The following EXOC4 variants were observed in gnomAD, a reference collection of about 807,000 sequenced individuals.
EXOC4 encodes exocyst complex component 4.
EXOC4 carries 71 observed loss-of-function variants against 107.2 expected under a neutral mutation model. That is an observed-to-expected ratio of 0.66 (90% CI 0.55 to 0.81). The LOEUF (loss-of-function observed/expected upper bound fraction) is 0.81, where lower values mean the gene tolerates loss of function less well. Ranked by LOEUF, EXOC4 falls within the 30% of genes least tolerant of loss-of-function variation. The pLI is 0.00. For missense variants in EXOC4, 1,108 were observed against 1,189.6 expected (o/e 0.93, Z 1.01); for synonymous variants, 456 against 441.2 (o/e 1.03, Z -0.42).
intron 4 of EXOC4, 144 bp from the exon 5 acceptor site, chr7:133,317,140 C>T: frequency 1.7e-6 from 1 of 594,442 alleles, no homozygotes; most frequent in South Asian, 2.2e-5. Flanking sequence ...CTGGGGAGAT[C>T]CAGTATAGTA....
chr7:133,455,149 A>AT (rs781135754), intron 7 of EXOC4, among the ~76,000 whole-genome samples: 9 of 152,134 alleles, frequency 5.9e-5, no homozygotes, highest in Non-Finnish European at 1.3e-4. Flanking sequence ...ATTAACAACA[A>AT]TAACTAATAA....
At chr7:133,928,170 T>C (rs2116685200) in intron 13 of EXOC4, among the ~76,000 whole-genome samples, 1 of 152,324 alleles carries the variant, frequency 6.6e-6, no homozygotes, top group African/African-American at 2.4e-5. Flanking sequence ...CTCTTTCATT[T>C]GAGGCTTAAT....
chr7:133,878,713 GT>G (rs1205078380), intron 11 of EXOC4, among the ~76,000 whole-genome samples: 4 of 151,646 alleles, frequency 2.6e-5, no homozygotes. Context: ...CTTTCATTTT[GT>G]TTTTTTTATG....
intron 2 of EXOC4, among the ~76,000 whole-genome samples, chr7:133,285,867 C>G (rs1334700926): frequency 1.3e-5 from 2 of 151,790 alleles, no homozygotes; most frequent in African/African-American, 2.4e-5. Context: ...TCCAGTAATC[C>G]TACTGACTCA....
intron 9 of EXOC4, among the ~76,000 whole-genome samples, chr7:133,538,145 C>G (rs963359957): frequency 6.6e-6 from 1 of 152,122 alleles, no homozygotes; most frequent in Non-Finnish European, 1.5e-5. Flanking sequence ...AAACCCAGGC[C>G]GTTTGAATTC....
At chr7:133,757,322 A>G (rs1315507936) in intron 10 of EXOC4, among the ~76,000 whole-genome samples, 2 of 152,218 alleles carry the variant, frequency 1.3e-5, no homozygotes, top group East Asian at 3.8e-4. Context: ...GGTGGGAGGA[A>G]GTAGTTTTAG....
chr7:133,783,511 G>A (rs1796508802), intron 10 of EXOC4, among the ~76,000 whole-genome samples: 1 of 152,190 alleles, frequency 6.6e-6, no homozygotes, highest in Admixed American at 6.5e-5. Flanking sequence ...ATGATTCCTA[G>A]TGGCAGAGGG....
chr7:133,936,909 C>G (rs1231414604), intron 13 of EXOC4, among the ~76,000 whole-genome samples: 1 of 152,134 alleles, frequency 6.6e-6, no homozygotes, highest in African/African-American at 2.4e-5. Flanking sequence ...AATCCACCTG[C>G]CTCAGCCTCC....
intron 5 of EXOC4, among the ~76,000 whole-genome samples, chr7:133,351,597 A>G (rs912145525): frequency 6.6e-6 from 1 of 151,888 alleles, no homozygotes; most frequent in African/African-American, 2.4e-5. Context: ...CACCTGGCTA[A>G]AGATTTGTTA....
the EXOC4 span, among the ~76,000 whole-genome samples, chr7:134,074,760 A>G: frequency 6.6e-6 from 1 of 152,232 alleles, no homozygotes; most frequent in Non-Finnish European, 1.5e-5. Context: ...TGAATGTCGC[A>G]TGGAAAGAAC....
At chr7:133,391,497 A>G (rs1195808917) in intron 7 of EXOC4, among the ~76,000 whole-genome samples, 2 of 152,308 alleles carry the variant, frequency 1.3e-5, no homozygotes, top group East Asian at 3.9e-4. Context: ...AGTGTAGGAC[A>G]CGTGCGTACT....
chr7:133,864,733 C>T (rs767434529), intron 11 of EXOC4, among the ~76,000 whole-genome samples: 2 of 152,150 alleles, frequency 1.3e-5, no homozygotes, highest in East Asian at 3.8e-4. Context: ...GGGAAACAAG[C>T]ATTGTCATGT....
chr7:133,385,712 G>GT (rs770264650), intron 7 of EXOC4, among the ~76,000 whole-genome samples: 34 of 147,088 alleles, frequency 2.3e-4, no homozygotes, highest in Admixed American at 1.5e-3. Context: ...TTTAAATCAT[G>GT]TTTTTTAGCA....
chr7:133,443,028 G>C (rs1798138526), intron 7 of EXOC4, among the ~76,000 whole-genome samples: 1 of 152,186 alleles, frequency 6.6e-6, no homozygotes, highest in African/African-American at 2.4e-5. Flanking sequence ...CTCTCTGCAG[G>C]ACTTGGGTGT....
intron 10 of EXOC4, among the ~76,000 whole-genome samples, chr7:133,734,422 G>C (rs1482256181): frequency 7.8e-6 from 1 of 128,950 alleles, no homozygotes; most frequent in African/African-American, 2.9e-5. Context: ...CTTATCTCAT[G>C]ATAATTCTTC....
chr7:133,626,014 C>T (rs1802444628), intron 9 of EXOC4, among the ~76,000 whole-genome samples: 1 of 152,116 alleles, frequency 6.6e-6, no homozygotes. Flanking sequence ...TGAGACTAGC[C>T]TGGCCAACGT....
chr7:133,686,882 A>G (rs968957658), intron 10 of EXOC4, among the ~76,000 whole-genome samples: 1 of 152,120 alleles, frequency 6.6e-6, no homozygotes, highest in Non-Finnish European at 1.5e-5. Context: ...AAAAAAAGTC[A>G]TTATACGAAA....
intron 10 of EXOC4, among the ~76,000 whole-genome samples, chr7:133,657,780 A>G (rs1006482805): frequency 2.6e-5 from 4 of 152,232 alleles, no homozygotes; most frequent in African/African-American, 9.6e-5. Context: ...TGGCTCTGCC[A>G]TGAACCTACT....
intron 12 of EXOC4, among the ~76,000 whole-genome samples, chr7:133,908,991 C>T (rs567176260): frequency 6.6e-6 from 1 of 152,244 alleles, no homozygotes; most frequent in South Asian, 2.1e-4. Context: ...TCCCCTAGCC[C>T]CCTAACTCCC....
Sources: allele counts gnomAD v4.1 joint callset (sites outside exome capture counted in the v4.1 genomes callset), GRCh38; gene constraint gnomAD v4.1.1; transcripts MANE v1.5; gene names NCBI Gene and HGNC (gene_info 2026-07-23, HGNC 2026-07-21).